The following RASAL3 variants were observed in gnomAD, a reference collection of about 807,000 sequenced individuals.
RASAL3 encodes the protein RAS protein activator like 3, also known as RAS protein activator like-3.
A neutral mutation model predicts 105.5 loss-of-function variants in RASAL3; 74 were observed. The observed-to-expected ratio is 0.70, with a 90% CI of 0.58 to 0.85. The LOEUF (loss-of-function observed/expected upper bound fraction) is 0.85. Ranked by LOEUF, RASAL3 falls within the 40% of genes least tolerant of loss-of-function variation. The pLI is 0.00. For missense variants in RASAL3, 1,352 were observed against 1,392.0 expected (o/e 0.97, Z 0.46); for synonymous variants, 579 against 591.6 (o/e 0.98, Z 0.31).
At chr19:15,463,168 C>G (rs2145494920) in intron 2 of RASAL3, among the ~76,000 whole-genome samples, 2 of 151,808 alleles carry the variant, frequency 1.3e-5, no homozygotes, top group Admixed American at 1.3e-4. Flanking sequence ...TCACTGCAAC[C>G]TCCACCTCCC....
chr19:15,462,267 A>G (rs1970534902), intron 2 of RASAL3, among the ~76,000 whole-genome samples: 1 of 152,104 alleles, frequency 6.6e-6, no homozygotes, highest in African/African-American at 2.4e-5. Flanking sequence ...CGGGTGGATC[A>G]TCTGAGGCTG....
rs756653570 is a variant in RASAL3, at chr19:15,456,591, G to T, written c.1487C>A (p.Ala496Glu). The T allele has an allele frequency of 6.2e-6, 10 of 1,613,570 alleles. No individual in the cohort carries two copies. The highest frequency in any genetic ancestry group is 1.6e-4 in the Middle Eastern group (1 of 6,062). ...AELARCGGRE[A>E]LLFRENTLAT... ...CAATGTGTTTTCCCGGAACAGCAGC[G>T]CCTCACGGCCTCCACAGCGCGCCAG... Residue 496 changes from alanine (A) to glutamate (E), a missense_variant, in exon 10 of 18, where the codon GCG (alanine) becomes GAG (glutamate). Physicochemically the swap from Ala to Glu is moderately radical, Grantham distance 107. Around this residue, in one of 3 missense-constraint regions of RASAL3, gnomAD observed 920 missense variants for 919.6 expected, o/e 1.00. Transcript: ENST00000343625. The surrounding 1 kb of genome is among the most constrained non-coding windows in gnomAD (Gnocchi z 4.4).
At chr19:15,454,002 G>T in intron 14 of RASAL3, 147 bp downstream of exon 14, 1 of 651,360 alleles carries the variant, frequency 1.5e-6, no homozygotes, top group Non-Finnish European at 2.7e-6. Flanking sequence ...TGTGACCTTT[G>T]ACCCAACCCT....
At position 15,456,785 on chromosome 19, in the gene RASAL3, G is replaced by T; in HGVS notation, c.1432-139C>A. 2.8e-6 allele frequency: 3 copies of T among 1,054,316 alleles called. No homozygotes were observed. Among genetic ancestry groups the T allele is most frequent in the East Asian group, 5.2e-5 (2 of 38,182 alleles). 65.3% of individuals were successfully genotyped at this position (1,054,316 alleles called of 1,614,324 possible). On this transcript the variant is annotated intron_variant, in intron 9 of 17. Transcript: ENST00000343625. This position sits in a 1 kb window ranked among gnomAD's most constrained non-coding sequence, Gnocchi z 4.4. ...CTTAGGCCCAGTCCTTACTGCTGGG[G>T]CTCATAACCGAGGCCGGAACCTCTA...
intron 14 of RASAL3, 30 bp downstream of exon 14, chr19:15,454,119 C>A: frequency 1.3e-6 from 2 of 1,489,240 alleles, no homozygotes; most frequent in Non-Finnish European, 1.8e-6. Flanking sequence ...TGTTCCCACC[C>A]ATCAGACCCC....
chr19:15,454,224 G>T lies in RASAL3; in HGVS notation c.2204C>A (p.Ala735Asp). 6.4e-7 allele frequency: 1 copy of T among 1,568,760 alleles called. No homozygotes were observed. The highest frequency in any genetic ancestry group is 8.6e-7 in the Non-Finnish European group (1 of 1,156,788). ...AAGCACAGGCTGGCCCTCCTCAATGGCTCGCAGGATGGTGGGCAGTGGTTC... is the reference window on the plus strand; with the variant it reads ...AAGCACAGGCTGGCCCTCCTCAATGTCTCGCAGGATGGTGGGCAGTGGTTC... ...TLEPLPTILRAIEEGQPVLVS... is the reference protein window; with the variant it reads ...TLEPLPTILRDIEEGQPVLVS... The change falls in exon 14 of 18, where the codon GCC becomes GAC. Residue 735 changes from alanine to aspartate, a missense_variant. Ala to Asp is a moderately radical substitution (Grantham distance 126). Around this residue, in one of 3 missense-constraint regions of RASAL3, gnomAD observed 920 missense variants for 919.6 expected, o/e 1.00. Transcript: ENST00000343625.
Position 15,464,487 on chromosome 19 carries a change from C to A in RASAL3, c.-20+18G>T, listed in dbSNP as rs1240573322. ...CCTCCAGGAATCCCCCTGCCCCCAC[C>A]TCCACTCCCTCCCTTACCTTGGTTT... On this transcript the variant is annotated intron_variant, in intron 1 of 17. Transcript: ENST00000343625. 5 of 889,444 alleles carry A rather than the reference C, an allele frequency of 5.6e-6. No individual in the cohort carries two copies. The highest frequency in any genetic ancestry group is 8.5e-6 in the Non-Finnish European group (5 of 587,562). The allele number at this position is 889,444 out of a possible 1,614,324, so 55.1% of individuals were successfully genotyped here.
rs774067803 is a variant in RASAL3 at position 15,460,203 on chromosome 19, C to T, written c.662G>A (p.Gly221Glu). ...KKKARLEPRD[G>E]PPSALGSRES... ...CCTCCAGCCTCTCATACACCCTTAC[C>T]CATCCCGGGGCTCCAACCTGGCCTT... Residue 221 changes from glycine to glutamate, a missense_variant and splice_region_variant, in exon 6 of 18, where the codon GGA becomes GAA. Gly to Glu is a moderately conservative substitution (Grantham distance 98). Around this residue, in one of 3 missense-constraint regions of RASAL3, gnomAD observed 344 missense variants for 339.6 expected, o/e 1.01. Coordinates refer to ENST00000343625, the MANE Select transcript of RASAL3 (RefSeq NM_022904.3). 7.5e-6 allele frequency: 12 copies of T among 1,606,472 alleles called. No homozygotes were observed. Among genetic ancestry groups the T allele is most frequent in the African/African-American group, 1.3e-5 (1 of 74,898 alleles).
At chr19:15,460,182 C>T (rs1449118855) in intron 6 of RASAL3, 21 bp downstream of exon 6, 1 of 1,596,038 alleles carries the variant, frequency 6.3e-7, no homozygotes, top group Non-Finnish European at 8.5e-7. Context: ...CCAGCCCCTC[C>T]AGCCTCTCAT....
Position 15,461,548 on chromosome 19 carries a change from G to C in RASAL3, c.388C>G (p.Pro130Ala). ...PTPQIPEAPT[P>A]NVPVWDIGGF... ...CCAATGTCCCAGACAGGCACGTTGGGTGTGGGGGCCTCAGGGATCTGTGGG... is the reference window on the plus strand; with the variant it reads ...CCAATGTCCCAGACAGGCACGTTGGCTGTGGGGGCCTCAGGGATCTGTGGG... Residue 130 changes from proline to alanine, a missense_variant, in exon 3 of 18, where the codon CCC becomes GCC. By Grantham distance (27) the Pro-to-Ala change is conservative (BLOSUM62 -1). This residue lies in a region of RASAL3 where 344 missense variants were observed against 339.6 expected (regional missense o/e 1.01). Transcript: ENST00000343625. 6.5e-7 allele frequency: 1 copy of C among 1,534,764 alleles called. No individual in the cohort carries two copies. The highest frequency in any genetic ancestry group is 8.7e-7 in the Non-Finnish European group (1 of 1,144,778).
rs1198437499 is a variant in RASAL3 at position 15,454,822 on chromosome 19, A to G, written c.1793T>C (p.Val598Ala). 6.3e-7 allele frequency: 1 copy of G among 1,588,792 alleles called. No individual in the cohort carries two copies. Residue 598 changes from valine (V) to alanine (A), a missense_variant, in exon 12 of 18, where the codon GTG (valine) becomes GCG (alanine). Physicochemically the swap from Val to Ala is moderately conservative, Grantham distance 64 (BLOSUM62 0). Around this residue, in one of 3 missense-constraint regions of RASAL3, gnomAD observed 920 missense variants for 919.6 expected, o/e 1.00. Coordinates refer to ENST00000343625, the MANE Select transcript of RASAL3 (RefSeq NM_022904.3). ...REACKERGSE[V>A]LGPRLVCASL... Reference sequence around the variant, plus strand: ...GGCGCACACCAGTCGGGGGCCCAGCACCTCAGAGCCACGTTCTTTACATGC... The same window carrying G: ...GGCGCACACCAGTCGGGGGCCCAGCGCCTCAGAGCCACGTTCTTTACATGC...
At chr19:15,461,175 G>C (rs752394975) in intron 4 of RASAL3, 43 bp downstream of exon 4, 3 of 1,613,324 alleles carry the variant, frequency 1.9e-6, no homozygotes, top group East Asian at 2.2e-5. Context: ...CCCACTTTTA[G>C]AGCCTCCCAA....
rs748306057 is a variant in RASAL3 at position 15,457,543 on chromosome 19, G to A, written c.1180C>T (p.Arg394Cys). The change falls in exon 9 of 18, where the codon CGC (arginine) becomes TGC (cysteine). Residue 394 changes from arginine to cysteine, a missense_variant. This residue lies in a region of RASAL3 where 920 missense variants were observed against 919.6 expected (regional missense o/e 1.00). Coordinates refer to ENST00000343625, the MANE Select transcript of RASAL3 (RefSeq NM_022904.3). This position sits in a 1 kb window ranked among gnomAD's most constrained non-coding sequence, Gnocchi z 8.6. ...ALALEELDAPRAPAAGLERWF... is the reference protein window; with the variant it reads ...ALALEELDAPCAPAAGLERWF... ...CGCTCCAGACCGGCGGCAGGCGCGC[G>A]TGGGGCGTCCAGCTCCTCCAGCGCC... is the stretch of plus-strand genomic sequence containing the variant. The A allele has an allele frequency of 3.2e-5, 37 of 1,143,438 alleles. No individual in the cohort carries two copies. Among genetic ancestry groups the A allele is most frequent in the East Asian group, 2.1e-4 (4 of 19,022 alleles). The allele number at this position is 1,143,438 out of a possible 1,614,324, so 70.8% of individuals were successfully genotyped here.
chr19:15,452,962 T>G, intron 15 of RASAL3, 145 bp downstream of exon 15: 1 of 1,471,762 alleles, frequency 6.8e-7, no homozygotes, highest in South Asian at 1.2e-5. Context: ...CTGGGGAGAC[T>G]GAAGCTCAGA....
chr19:15,452,453 A>G, intron 16 of RASAL3: 1 of 577,964 alleles, frequency 1.7e-6, no homozygotes, highest in Non-Finnish European at 3.0e-6. Context: ...AGAATCTGCC[A>G]GGGTCCTAGG....
At position 15,458,387 on chromosome 19, in the gene RASAL3, A is replaced by C. The variant is rs1437911239; in HGVS notation, c.829T>G (p.Ser277Ala). The C allele has an allele frequency of 6.2e-7, 1 of 1,613,940 alleles. No individual in the cohort carries two copies. The highest frequency in any genetic ancestry group is 8.5e-7 in the Non-Finnish European group (1 of 1,179,858). The change falls in exon 8 of 18, where the codon TCG becomes GCG. Residue 277 changes from serine to alanine, a missense_variant. Physicochemically the swap from Ser to Ala is moderately conservative, Grantham distance 99. Around this residue, in one of 3 missense-constraint regions of RASAL3, gnomAD observed 88 missense variants for 132.7 expected, o/e 0.66. Coordinates refer to ENST00000343625, the MANE Select transcript of RASAL3 (RefSeq NM_022904.3). ...TGGSRCFSCR[S>A]AAERDRWIED... ...ATCCAGCGGTCTCTCTCAGCGGCCG[A>C]GCGACAAGAGAAGCAGCGGCTTCCA...
rs1045176342 is a variant in RASAL3, at chr19:15,452,684, C to T, written c.2802G>A (p.Gln934=). 1.3e-6 allele frequency: 2 copies of T among 1,550,876 alleles called. No homozygotes were observed. The highest frequency in any genetic ancestry group is 2.7e-5 in the African/African-American group (2 of 73,036). The change falls in exon 16 of 18, where the codon CAG becomes CAA. Residue 934 remains glutamine (Q), a synonymous_variant. Coordinates refer to ENST00000343625, the MANE Select transcript of RASAL3 (RefSeq NM_022904.3). ...CAGCACGGAGCCTGGAGTCCAGATCCTGCAGCTGGCCCCGCAGCTGCTCCT... is the reference window on the plus strand; with the variant it reads ...CAGCACGGAGCCTGGAGTCCAGATCTTGCAGCTGGCCCCGCAGCTGCTCCT... The part of the protein sequence containing the change: ...EQQEQLRGQL[Q]DLDSRLRAGS...
intron 6 of RASAL3, 49 bp downstream of exon 6, chr19:15,460,154 A>AG: frequency 6.8e-7 from 1 of 1,480,774 alleles, no homozygotes; most frequent in Non-Finnish European, 9.3e-7. Context: ...GTGGAGGAGG[A>AG]GGGGCCAGTG....
rs367730527 is a variant in RASAL3, at chr19:15,452,710, G to A, written c.2776C>T (p.Gln926Ter). 54 of 1,553,558 alleles carry A rather than the reference G, an allele frequency of 3.5e-5. No homozygotes were observed. Among genetic ancestry groups the A allele is most frequent in the Non-Finnish European group, 4.5e-5 (52 of 1,148,408 alleles). ...TGCAGCTGGCCCCGCAGCTGCTCCT[G>A]CTGCTCCGTCAAGGCCCGGATTTGG... is the stretch of plus-strand genomic sequence containing the variant. ...STQIRALTEQ[Q>*]EQLRGQLQDL... The change falls in exon 16 of 18, where the codon CAG becomes TAG. Residue 926 changes from glutamine (Q) to a stop codon, truncating the protein, a stop_gained. Transcript: ENST00000343625. LOFTEE classifies it high-confidence loss of function.
Sources: gnomAD v4.1 joint callset for allele counts (sites outside exome capture counted in the v4.1 genomes callset) on GRCh38, gnomAD v4.1.1 for gene constraint, gnomAD v4.1.1 regional missense constraint, Gnocchi (gnomAD v3.1) non-coding constraint, MANE v1.5 for transcripts, NCBI Gene and HGNC (gene_info 2026-07-23, HGNC 2026-07-21) for gene names.